The following USP42 variants were observed in gnomAD, a reference collection of about 807,000 sequenced individuals.
USP42 encodes ubiquitin carboxyl-terminal hydrolase 42.
USP42 carries 23 observed loss-of-function variants against 113.0 expected under a neutral mutation model. That is an observed-to-expected ratio of 0.20 (90% CI 0.15 to 0.29). The LOEUF (loss-of-function observed/expected upper bound fraction) is 0.29. Ranked by LOEUF, USP42 falls within the 10% of genes least tolerant of loss-of-function variation. The pLI, the probability that USP42 is intolerant of heterozygous loss-of-function variation, is 1.00. For missense variants in USP42, 2,174 were observed against 1,779.8 expected, an observed-to-expected ratio of 1.22 and a Z score of -3.99; for synonymous variants, 933 against 699.0, an observed-to-expected ratio of 1.33 and a Z score of -5.28.
intron 9 of USP42, 115 bp downstream of exon 9, chr7:6,144,311 A>AC (rs1241267244): frequency 1.1e-5 from 7 of 665,764 alleles, no homozygotes; most frequent in Non-Finnish European, 1.5e-5. Context: ...GCTAACTATT[A>AC]CCTACATTTG....
chr7:6,092,020 CTT>C, the USP42 span, among the ~76,000 whole-genome samples: 4 of 107,026 alleles, frequency 3.7e-5, no homozygotes, highest in East Asian at 6.5e-4. Context: ...TCTTCTTCTT[CTT>C]CTTCTTCTTC....
At chr7:6,156,439 T>A (rs1458249129) in intron 15 of USP42, among the ~76,000 whole-genome samples, 1 of 152,106 alleles carries the variant, frequency 6.6e-6, no homozygotes, top group African/African-American at 2.4e-5. Context: ...AAACAGTCAT[T>A]ACAGTGAAGG....
chr7:6,131,535 C>A (rs540747339), intron 3 of USP42, among the ~76,000 whole-genome samples: 1 of 152,122 alleles, frequency 6.6e-6, no homozygotes, highest in East Asian at 1.9e-4. Flanking sequence ...CACACAGAAG[C>A]TGAAGTAGAG....
intron 9 of USP42, among the ~76,000 whole-genome samples, chr7:6,145,280 G>A (rs994541504): frequency 4.0e-5 from 6 of 151,496 alleles, no homozygotes; most frequent in African/African-American, 1.5e-4. Flanking sequence ...CCAGTGAGCT[G>A]AGATCGTGTC....
At position 6,158,066 on chromosome 7, in the gene USP42, G is replaced by C. The variant is rs1461740789; in HGVS notation, c.3943+1011G>C. On this transcript the variant is annotated intron_variant, in intron 16 of 17. Coordinates refer to ENST00000306177, the MANE Select transcript of USP42 (RefSeq NM_032172.3). This position sits in a 1 kb window ranked among gnomAD's most constrained non-coding sequence, Gnocchi z 4.2. ...CAACTTCGGCCAGTCACCAGACTTTGTATGAACTTGGAGTTAAGAATGGTT... is the reference window on the plus strand; with the variant it reads ...CAACTTCGGCCAGTCACCAGACTTTCTATGAACTTGGAGTTAAGAATGGTT... 6.6e-6 allele frequency among the ~76,000 whole-genome samples: 1 copy of C among 152,246 alleles called. No individual in the cohort carries two copies. The highest frequency in any genetic ancestry group is 2.4e-5 in the African/African-American group (1 of 41,466).
chr7:6,128,507 C>G (rs896138744), intron 3 of USP42, among the ~76,000 whole-genome samples: 1 of 152,106 alleles, frequency 6.6e-6, no homozygotes, highest in Non-Finnish European at 1.5e-5. Flanking sequence ...CTGCCTGTGT[C>G]ATTACATTTG....
At position 6,111,262 on chromosome 7, in the gene USP42, A is replaced by C. The variant is rs1337089618; in HGVS notation, c.129A>C (p.Ser43=). The change falls in exon 2 of 18, where the codon TCA becomes TCC. Residue 43 remains serine (S), a synonymous_variant. Transcript: ENST00000306177. ...AGSASWGAVS[S]LNDVSNHTLS... ...CTGCCAGCTGGGGTGCTGTGTCTTC[A>C]TTGAATGATGTGTCAAATCACACAC... The C allele has an allele frequency of 1.2e-6, 2 of 1,608,468 alleles. No homozygotes were observed. The highest frequency in any genetic ancestry group is 2.2e-5 in the East Asian group (1 of 44,804).
chr7:6,151,421 C>A (rs937564029), intron 14 of USP42, among the ~76,000 whole-genome samples: 2 of 151,968 alleles, frequency 1.3e-5, no homozygotes, highest in Non-Finnish European at 2.9e-5. Context: ...TACAGCTGTA[C>A]AAAAATAACT....
At chr7:6,122,732 A>G (rs975530888) in intron 3 of USP42, among the ~76,000 whole-genome samples, 1 of 151,796 alleles carries the variant, frequency 6.6e-6, no homozygotes, top group African/African-American at 2.4e-5. Flanking sequence ...AGCCTCCCAA[A>G]GTGCTGGGAT....
chr7:6,121,401 T>TCAAA (rs1780218394), intron 3 of USP42, among the ~76,000 whole-genome samples: 1 of 152,214 alleles, frequency 6.6e-6, no homozygotes, highest in African/African-American at 2.4e-5. Context: ...GGCTTTGATT[T>TCAAA]GCTAAAATTG....
intron 1 of USP42, among the ~76,000 whole-genome samples, chr7:6,109,693 G>C (rs1043687714): frequency 6.9e-6 from 1 of 144,116 alleles, no homozygotes; most frequent in Non-Finnish European, 1.5e-5. Context: ...ACTGCGCCCC[G>C]CCCGGCCTTT....
chr7:6,112,598 G>A (rs1779657174), intron 2 of USP42, among the ~76,000 whole-genome samples: 1 of 152,178 alleles, frequency 6.6e-6, no homozygotes, highest in Non-Finnish European at 1.5e-5. Flanking sequence ...TTGCATTTGA[G>A]GACATGAAGA....
At chr7:6,094,296 C>G in the USP42 span, among the ~76,000 whole-genome samples, 3 of 151,370 alleles carry the variant, frequency 2.0e-5, no homozygotes, top group South Asian at 4.1e-4. Context: ...ACCTCAGCCT[C>G]CTTAGTAGCT....
At chr7:6,094,620 GT>G in the USP42 span, among the ~76,000 whole-genome samples, 1 of 151,238 alleles carries the variant, frequency 6.6e-6, no homozygotes, top group Admixed American at 6.6e-5. Flanking sequence ...GGTTCATCCA[GT>G]TTTTGCAGGG....
At chr7:6,132,289 T>C (rs946623943) in intron 3 of USP42, among the ~76,000 whole-genome samples, 1 of 152,218 alleles carries the variant, frequency 6.6e-6, no homozygotes, top group Admixed American at 6.5e-5. Context: ...CTGTGCCTGA[T>C]AAGAAGTCTG....
intron 14 of USP42, among the ~76,000 whole-genome samples, chr7:6,151,565 G>A (rs1056840759): frequency 1.3e-5 from 2 of 152,174 alleles, no homozygotes; most frequent in Non-Finnish European, 2.9e-5. Context: ...AGCCTCCTGA[G>A]TAGCTGGGAC....
At chr7:6,151,923 C>A (rs763616619) in intron 14 of USP42, among the ~76,000 whole-genome samples, 18 of 152,220 alleles carry the variant, frequency 1.2e-4, no homozygotes, top group Non-Finnish European at 1.9e-4. Flanking sequence ...TTATGGACCG[C>A]CATCATATGT....
At chr7:6,085,270 C>A in the USP42 span, 2 of 148,908 alleles carry the variant, frequency 1.3e-5, 1 homozygote, top group African/African-American at 5.0e-5. Flanking sequence ...CAGGTGCGCA[C>A]CACCATGCCC....
At chr7:6,092,264 G>A in the USP42 span, among the ~76,000 whole-genome samples, 63 of 139,098 alleles carry the variant, frequency 4.5e-4, no homozygotes, top group South Asian at 0.013. Context: ...TGCAACCTCC[G>A]CCTCCTGGGT....
Sources: gnomAD v4.1 joint callset for allele counts (sites outside exome capture counted in the v4.1 genomes callset) on GRCh38, gnomAD v4.1.1 for gene constraint, Gnocchi (gnomAD v3.1) non-coding constraint, MANE v1.5 for transcripts, NCBI Gene and HGNC (gene_info 2026-07-23, HGNC 2026-07-21) for gene names.